Variants in OR2C1 observed in about 807,000 individuals in gnomAD.
OR2C1 encodes olfactory receptor 2C1.
For missense variants in OR2C1, 468 were observed against 388.3 expected, an observed-to-expected ratio of 1.21 and a Z score of -1.73; for synonymous variants, 209 against 167.3, an observed-to-expected ratio of 1.25 and a Z score of -1.92.
At chr16:3,325,504 T>TATAC in the OR2C1 span, among the ~76,000 whole-genome samples, 51 of 124,544 alleles carry the variant, frequency 4.1e-4, no homozygotes, top group Non-Finnish European at 7.1e-4. Context: ...TATATATATA[T>TATAC]ACACTTTAAA....
At chr16:3,333,313 C>A in the OR2C1 span, among the ~76,000 whole-genome samples, 1 of 126,370 alleles carries the variant, frequency 7.9e-6, no homozygotes, top group Non-Finnish European at 1.6e-5. Context: ...GGAGAGTTTA[C>A]AAATATTTTC....
At chr16:3,334,227 T>C in the OR2C1 span, among the ~76,000 whole-genome samples, 2 of 150,870 alleles carry the variant, frequency 1.3e-5, no homozygotes, top group Non-Finnish European at 3.0e-5. Flanking sequence ...AACTTCCGCC[T>C]CCCGGGTTCC....
the OR2C1 span, among the ~76,000 whole-genome samples, chr16:3,349,755 G>T: frequency 6.6e-6 from 1 of 151,798 alleles, no homozygotes; most frequent in African/African-American, 2.4e-5. Context: ...TGATTTTGGG[G>T]GCCAGGCGTG....
At chr16:3,331,065 T>G in the OR2C1 span, among the ~76,000 whole-genome samples, 1 of 152,362 alleles carries the variant, frequency 6.6e-6, no homozygotes, top group Admixed American at 6.5e-5. Context: ...CCTGACTTTT[T>G]AATGATTGCC....
chr16:3,332,906 G>C, the OR2C1 span, among the ~76,000 whole-genome samples: 2 of 152,004 alleles, frequency 1.3e-5, no homozygotes, highest in African/African-American at 4.8e-5. Flanking sequence ...TAGTGGAATT[G>C]CTAGATCACA....
the OR2C1 span, among the ~76,000 whole-genome samples, chr16:3,337,584 G>A: frequency 7.2e-5 from 11 of 152,000 alleles, no homozygotes; most frequent in South Asian, 2.1e-3. Flanking sequence ...CAAGATTCCT[G>A]TTTGATTTTT....
the OR2C1 span, among the ~76,000 whole-genome samples, chr16:3,337,063 C>T: frequency 2.0e-5 from 3 of 152,002 alleles, no homozygotes; most frequent in African/African-American, 4.8e-5. Flanking sequence ...CCATGTTGGT[C>T]AGGCTGGTCT....
chr16:3,332,149 C>T, the OR2C1 span, among the ~76,000 whole-genome samples: 13 of 150,586 alleles, frequency 8.6e-5, no homozygotes, highest in South Asian at 4.2e-4. Flanking sequence ...GTGGGTGCAG[C>T]GCACCAGCAT....
chr16:3,349,217 G>C, the OR2C1 span, among the ~76,000 whole-genome samples: 1 of 152,126 alleles, frequency 6.6e-6, no homozygotes, highest in Non-Finnish European at 1.5e-5. Context: ...TTTAAGAAAT[G>C]CTGTCATTTT....
the OR2C1 span, among the ~76,000 whole-genome samples, chr16:3,350,528 C>A: frequency 1.3e-5 from 2 of 151,586 alleles, no homozygotes; most frequent in Non-Finnish European, 2.9e-5. Context: ...TCTCCTGCCT[C>A]AGCCTCCCGA....
the OR2C1 span, among the ~76,000 whole-genome samples, chr16:3,330,971 C>T: frequency 2.0e-5 from 3 of 152,096 alleles, no homozygotes; most frequent in African/African-American, 4.8e-5. Context: ...CACTGACTTC[C>T]ACAATGGTTG....
At chr16:3,337,538 G>A in the OR2C1 span, among the ~76,000 whole-genome samples, 1 of 151,936 alleles carries the variant, frequency 6.6e-6, no homozygotes. Context: ...AGTCTCTAAT[G>A]AAAATTTTAA....
the OR2C1 span, among the ~76,000 whole-genome samples, chr16:3,324,954 TTTTA>T: frequency 2.0e-5 from 3 of 152,136 alleles, no homozygotes; most frequent in African/African-American, 7.2e-5. Flanking sequence ...CTGTAGTCTT[TTTTA>T]TTTTTCAGTT....
the OR2C1 span, among the ~76,000 whole-genome samples, chr16:3,350,265 G>A: frequency 1.3e-5 from 2 of 151,060 alleles, no homozygotes; most frequent in African/African-American, 4.9e-5. Context: ...ATGTTGGCCA[G>A]TCTGGTCTCG....
At chr16:3,351,220 C>CTTTTTTTTTTTTTTTTTTTTTTTT (rs779814781), upstream of OR2C1, among the ~76,000 whole-genome samples, 1 of 18,654 alleles carries the variant, frequency 5.4e-5, no homozygotes, top group African/African-American at 2.1e-4. Context: ...TTTTCTTTTT[C>CTTTTTTTTTTTTTTTTTTTTTTTT]TTTTTCTTTT....
At chr16:3,329,748 C>CTTT in the OR2C1 span, among the ~76,000 whole-genome samples, 3,612 of 62,466 alleles carry the variant, frequency 0.058, 342 homozygotes, top group South Asian at 0.11. Context: ...GGCGCCCGGC[C>CTTT]TTTTTTTTTT....
the OR2C1 span, among the ~76,000 whole-genome samples, chr16:3,336,612 C>T: frequency 3.6e-3 from 547 of 150,760 alleles, 3 homozygotes; most frequent in African/African-American, 0.012. Context: ...CTGACTGCCT[C>T]GGCCTCCCAA....
At chr16:3,338,722 A>G in the OR2C1 span, among the ~76,000 whole-genome samples, 2 of 151,870 alleles carry the variant, frequency 1.3e-5, no homozygotes, top group African/African-American at 4.8e-5. Context: ...TATTTTTAGT[A>G]GAGACGGGGT....
At chr16:3,348,725 A>C in the OR2C1 span, among the ~76,000 whole-genome samples, 2 of 152,204 alleles carry the variant, frequency 1.3e-5, no homozygotes, top group Admixed American at 1.3e-4. Flanking sequence ...GTGGTTTCTA[A>C]GTCAGTAGTT....
Sources: gnomAD v4.1 joint callset for allele counts (sites outside exome capture counted in the v4.1 genomes callset) on GRCh38, gnomAD v4.1.1 for gene constraint, MANE v1.5 for transcripts, NCBI Gene and HGNC (gene_info 2026-07-23, HGNC 2026-07-21) for gene names.